SUGCT: variants seen among roughly 807,000 people sequenced by gnomAD.
The protein encoded by SUGCT is succinyl-CoA:glutarate-CoA transferase, also known as succinyl-CoA:glutarate CoA-transferase.
SUGCT carries 41 observed loss-of-function variants against 55.0 expected under a neutral mutation model. The observed-to-expected ratio is 0.74, with a 90% confidence interval of 0.58 to 0.97. The LOEUF is 0.97. SUGCT is among the 50% of genes least tolerant of loss of function. SUGCT has a pLI of 0.00. For synonymous variants in SUGCT, 187 were observed against 200.4 expected, an observed-to-expected ratio of 0.93 and a Z score of 0.56; for missense variants, 568 against 547.8, an observed-to-expected ratio of 1.04 and a Z score of -0.37.
At chr7:40,173,516 C>G (rs1466385423) in intron 1 of SUGCT, among the ~76,000 whole-genome samples, 1 of 152,190 alleles carries the variant, frequency 6.6e-6, no homozygotes, top group Non-Finnish European at 1.5e-5. Context: ...TGCCCACTCC[C>G]GGCTCAAATG....
At chr7:40,829,564 T>C (rs1792545622) in intron 13 of SUGCT, among the ~76,000 whole-genome samples, 1 of 152,132 alleles carries the variant, frequency 6.6e-6, no homozygotes, top group Non-Finnish European at 1.5e-5. Flanking sequence ...ATAATTATTT[T>C]AATAAAAAGA....
intron 12 of SUGCT, among the ~76,000 whole-genome samples, chr7:40,615,287 T>G (rs1207986049): frequency 7.0e-6 from 1 of 143,014 alleles, no homozygotes; most frequent in Middle Eastern, 3.3e-3. Flanking sequence ...ACAATAAATA[T>G]AGATTAACAA....
rs113336828 is a variant in SUGCT at position 40,819,315 on chromosome 7, T to C, written c.1154-41001T>C. Among the ~76,000 whole-genome samples, 880 of 152,276 alleles carry C rather than the reference T, an allele frequency of 5.8e-3. 8 individuals carry two copies. Among genetic ancestry groups the C allele is most frequent in the African/African-American group, 0.02 (823 of 41,550 alleles). On this transcript the variant is annotated intron_variant, in intron 13 of 13. Transcript: ENST00000335693. ...GTCAAATGGTATTTCTAGTTCTAGA[T>C]CCTTGAGAAATCACCACACTGTCTT...
chr7:40,963,640 T>C, the SUGCT span, among the ~76,000 whole-genome samples: 1 of 152,208 alleles, frequency 6.6e-6, no homozygotes, highest in Non-Finnish European at 1.5e-5. Context: ...GCAAATGGCA[T>C]TCTATGGCAT....
the SUGCT span, among the ~76,000 whole-genome samples, chr7:40,990,442 G>T: frequency 1.3e-5 from 2 of 152,172 alleles, no homozygotes; most frequent in African/African-American, 2.4e-5. Context: ...AGGCTTTGTT[G>T]TTGCATTTAT....
intron 12 of SUGCT, among the ~76,000 whole-genome samples, chr7:40,620,476 A>G (rs2151790284): frequency 6.6e-6 from 1 of 152,010 alleles, no homozygotes; most frequent in Middle Eastern, 3.4e-3. Flanking sequence ...ATCTCTGCTC[A>G]CTGCAACCTC....
At chr7:40,773,469 A>G (rs1789288827) in intron 13 of SUGCT, among the ~76,000 whole-genome samples, 1 of 152,212 alleles carries the variant, frequency 6.6e-6, no homozygotes, top group Non-Finnish European at 1.5e-5. Context: ...TATTGCCTCT[A>G]TTAGTCTGTC....
the SUGCT span, among the ~76,000 whole-genome samples, chr7:40,944,181 C>G: frequency 6.6e-6 from 1 of 151,878 alleles, no homozygotes; most frequent in African/African-American, 2.4e-5. Context: ...TGGATATTAG[C>G]CCTTTGTCAG....
chr7:40,606,673 TTTACTC>T (rs563579308), intron 12 of SUGCT, among the ~76,000 whole-genome samples: 65 of 152,370 alleles, frequency 4.3e-4, no homozygotes, highest in African/African-American at 1.5e-3. Flanking sequence ...CAAAAAATGT[TTTACTC>T]TTACATGATC....
At chr7:40,192,833 G>A (rs1363348865) in intron 5 of SUGCT, among the ~76,000 whole-genome samples, 9 of 150,100 alleles carry the variant, frequency 6.0e-5, no homozygotes, top group African/African-American at 1.7e-4. Flanking sequence ...GGGTTTCACC[G>A]TGTAGGTCAG....
chr7:40,929,493 C>T, the SUGCT span, among the ~76,000 whole-genome samples: 6 of 152,190 alleles, frequency 3.9e-5, no homozygotes, highest in Non-Finnish European at 5.9e-5. Flanking sequence ...CTTGAGGAAT[C>T]GCCTCACTGT....
chr7:40,275,420 T>TC (rs780343825), intron 8 of SUGCT, among the ~76,000 whole-genome samples: 7 of 152,170 alleles, frequency 4.6e-5, no homozygotes, highest in South Asian at 2.1e-4. Context: ...AATGGAAAAA[T>TC]CAATTTTGCA....
intron 12 of SUGCT, among the ~76,000 whole-genome samples, chr7:40,571,995 C>T (rs559703479): frequency 1.3e-5 from 2 of 152,284 alleles, no homozygotes; most frequent in East Asian, 1.9e-4. Flanking sequence ...TACCTCCAAA[C>T]CTCACTCCTC....
the SUGCT span, among the ~76,000 whole-genome samples, chr7:40,962,715 A>G: frequency 6.6e-6 from 1 of 151,838 alleles, no homozygotes; most frequent in Non-Finnish European, 1.5e-5. Context: ...GTGCAATACA[A>G]TGGGAAAAGG....
At chr7:40,492,970 CAAT>C (rs1791775128) in intron 11 of SUGCT, among the ~76,000 whole-genome samples, 1 of 152,220 alleles carries the variant, frequency 6.6e-6, no homozygotes, top group South Asian at 2.1e-4. Context: ...GAATGTGTAT[CAAT>C]GTAATAATAT....
At chr7:40,587,168 A>G (rs996435510) in intron 12 of SUGCT, among the ~76,000 whole-genome samples, 4 of 152,236 alleles carry the variant, frequency 2.6e-5, no homozygotes, top group African/African-American at 9.6e-5. Flanking sequence ...AAAGAGACAC[A>G]ACAGATTTTT....
In SUGCT at chr7:40,339,910, C is replaced by G. The variant is rs571349976; in HGVS notation, c.816+23055C>G. Among the ~76,000 whole-genome samples, 11 of 152,272 alleles carry G rather than the reference C, an allele frequency of 7.2e-5. No individual in the cohort carries two copies. In the East Asian group the frequency reaches 2.1e-3, roughly 29 times the overall value. ...AACCGCCCTTTTTTGCCCAGTGGCT[C>G]TTAAACTTTCTTGTTGCCTGTAATT... On this transcript the variant is annotated intron_variant, in intron 9 of 13. Transcript: ENST00000335693.
chr7:40,152,549 G>A (rs1788628209), intron 1 of SUGCT: 2 of 210,252 alleles, frequency 9.5e-6, no homozygotes, highest in Admixed American at 4.4e-5. Flanking sequence ...TTTGGCTTAG[G>A]TTTATTGTCC....
At chr7:40,439,904 A>G (rs969352962) in intron 9 of SUGCT, among the ~76,000 whole-genome samples, 3 of 152,066 alleles carry the variant, frequency 2.0e-5, no homozygotes, top group Non-Finnish European at 4.4e-5. Flanking sequence ...TCGCATCATG[A>G]CACCAGACAC....
Sources: gnomAD v4.1 joint callset for allele counts (sites outside exome capture counted in the v4.1 genomes callset) on GRCh38, gnomAD v4.1.1 for gene constraint, MANE v1.5 for transcripts, NCBI Gene and HGNC (gene_info 2026-07-23, HGNC 2026-07-21) for gene names.